Variants in DAB2IP observed in about 807,000 individuals in gnomAD.
DAB2IP encodes DAB2 interacting protein.
DAB2IP carries 28 observed loss-of-function variants against 107.2 expected under a neutral mutation model. The observed-to-expected ratio is 0.26, with a 90% CI of 0.19 to 0.36. DAB2IP has a LOEUF of 0.36. Among genes scored for constraint, DAB2IP ranks in the 10% least tolerant of loss-of-function variants. The pLI is 1.00. For missense variants in DAB2IP, 1,400 were observed against 1,644.7 expected (o/e 0.85, Z 2.57); for synonymous variants, 755 against 706.4 (o/e 1.07, Z -1.09).
intron 3 of DAB2IP, among the ~76,000 whole-genome samples, chr9:121,717,609 T>C (rs1830680171): frequency 6.6e-6 from 1 of 152,216 alleles, no homozygotes; most frequent in Non-Finnish European, 1.5e-5. Flanking sequence ...CTGCCCCTCC[T>C]GGCGTGTTTA....
intron 3 of DAB2IP, among the ~76,000 whole-genome samples, chr9:121,745,823 A>C (rs188292826): frequency 6.6e-6 from 1 of 152,322 alleles, no homozygotes; most frequent in Non-Finnish European, 1.5e-5. Context: ...TCTGAGCTCA[A>C]GCTGCCAACA....
intron 1 of DAB2IP, among the ~76,000 whole-genome samples, chr9:121,659,342 C>T (rs369294662): frequency 2.0e-5 from 3 of 152,150 alleles, no homozygotes; most frequent in Admixed American, 6.5e-5. Context: ...GGCCTAGGAG[C>T]GTGTACAGAG....
At chr9:121,650,309 G>T (rs1162834636), upstream of DAB2IP, among the ~76,000 whole-genome samples, 1 of 152,308 alleles carries the variant, frequency 6.6e-6, no homozygotes. Context: ...CAGGGAAGGC[G>T]CCTGGCTTCC....
chr9:121,576,557 T>C (rs1376219441), intron 1 of DAB2IP, among the ~76,000 whole-genome samples: 1 of 152,066 alleles, frequency 6.6e-6, no homozygotes, highest in African/African-American at 2.4e-5. Flanking sequence ...CCACTGCACT[T>C]TGATGAGTAA....
At chr9:121,600,834 T>G (rs1004650630) in intron 1 of DAB2IP, among the ~76,000 whole-genome samples, 1 of 152,108 alleles carries the variant, frequency 6.6e-6, no homozygotes, top group Admixed American at 6.5e-5. Context: ...AAGGGGGATA[T>G]AGGGAGGTTT....
In DAB2IP at chr9:121,633,261, G is replaced by A. The variant is rs967921650; in HGVS notation, c.41-45417G>A. Among the ~76,000 whole-genome samples, 3 of 152,094 alleles carry A rather than the reference G, an allele frequency of 2.0e-5. No homozygotes were observed. Among genetic ancestry groups the A allele is most frequent in the Admixed American group, 6.6e-5 (1 of 15,266 alleles). The stretch of plus-strand genomic sequence containing the variant: ...TCTAAATTGGGTCAGGGAAGCCTTC[G>A]AGGCCCAGAGAGAGGACATTCCCGC... On this transcript the variant is annotated intron_variant, in intron 1 of 16. Transcript: ENST00000259371. This position sits in a 1 kb window ranked among gnomAD's most constrained non-coding sequence, Gnocchi z 5.1.
At chr9:121,780,870 A>G (rs563290241) in intron 14 of DAB2IP, among the ~76,000 whole-genome samples, 83 of 152,292 alleles carry the variant, frequency 5.5e-4, no homozygotes, top group Non-Finnish European at 9.8e-4. Flanking sequence ...GATGTCTCCT[A>G]CTGATGTGCG....
chr9:121,603,896 A>G (rs1231745600), intron 1 of DAB2IP, among the ~76,000 whole-genome samples: 1 of 151,970 alleles, frequency 6.6e-6, no homozygotes, highest in Non-Finnish European at 1.5e-5. Flanking sequence ...GTTGGGCTGG[A>G]GGGCAGAGTG....
At chr9:121,604,547 G>A (rs1204340835) in intron 1 of DAB2IP, among the ~76,000 whole-genome samples, 1 of 152,156 alleles carries the variant, frequency 6.6e-6, no homozygotes, top group Non-Finnish European at 1.5e-5. Flanking sequence ...CAGGTTTTAT[G>A]TTGCCTGGAC....
Position 121,772,573 on chromosome 9 carries a change from C to G in DAB2IP, c.2079-34C>G. On this transcript the variant is annotated intron_variant, in intron 11 of 15. Coordinates refer to ENST00000408936, the Ensembl canonical transcript of DAB2IP. This position sits in a 1 kb window ranked among gnomAD's most constrained non-coding sequence, Gnocchi z 4.7. ...GCTGCACTCACAGTTCTTCTTTTCCCCTTCTTTCCCTGTGTGTGCTTGTCT... is the reference window on the plus strand; with the variant it reads ...GCTGCACTCACAGTTCTTCTTTTCCGCTTCTTTCCCTGTGTGTGCTTGTCT... The G allele has an allele frequency of 6.3e-7, 1 of 1,581,300 alleles. No homozygotes were observed. The highest frequency in any genetic ancestry group is 1.7e-4 in the Middle Eastern group (1 of 5,910).
chr9:121,596,816 G>T (rs1324728459), intron 1 of DAB2IP, among the ~76,000 whole-genome samples: 1 of 152,152 alleles, frequency 6.6e-6, no homozygotes, highest in African/African-American at 2.4e-5. Flanking sequence ...CTGCCAAATT[G>T]TTTCCCAGAG....
intron 1 of DAB2IP, among the ~76,000 whole-genome samples, chr9:121,653,054 A>G (rs1196503234): frequency 2.0e-5 from 3 of 152,094 alleles, no homozygotes; most frequent in African/African-American, 7.2e-5. Flanking sequence ...TTCAGTCCTC[A>G]AGGGTCTCTC....
chr9:121,741,638 G>T (rs182665140), intron 3 of DAB2IP, among the ~76,000 whole-genome samples: 293 of 152,046 alleles, frequency 1.9e-3, no homozygotes, highest in East Asian at 3.1e-3. Flanking sequence ...TGGCAGAGGG[G>T]TGATCCTGCC....
chr9:121,618,166 A>ATCTG (rs1171854866), intron 1 of DAB2IP, among the ~76,000 whole-genome samples: 2 of 152,242 alleles, frequency 1.3e-5, no homozygotes, highest in African/African-American at 4.8e-5. Context: ...CGATGGGATT[A>ATCTG]TCTGTCTGTC....
intron 1 of DAB2IP, among the ~76,000 whole-genome samples, chr9:121,581,248 G>C (rs931141084): frequency 2.6e-5 from 4 of 152,260 alleles, no homozygotes; most frequent in South Asian, 2.1e-4. Context: ...CAGAGCCAAG[G>C]GGGTAGTGGG....
intron 1 of DAB2IP, among the ~76,000 whole-genome samples, chr9:121,614,528 A>G (rs1831206494): frequency 6.7e-6 from 1 of 149,874 alleles, no homozygotes; most frequent in South Asian, 2.1e-4. Flanking sequence ...TTCAGTAGAG[A>G]CGGGGTTTCA....
rs1370916152 is a variant in DAB2IP at position 121,635,898 on chromosome 9, G to A, written c.41-42780G>A. On this transcript the variant is annotated intron_variant, in intron 1 of 16. Transcript: ENST00000259371. This position sits in a 1 kb window ranked among gnomAD's most constrained non-coding sequence, Gnocchi z 4.3. ...CCAAGGGACAGTCCCCTGTTTAGAT[G>A]TCTTTTTTGGGGGGGGGTCTGGGGG... 2.4e-5 allele frequency among the ~76,000 whole-genome samples: 3 copies of A among 125,636 alleles called. No individual in the cohort carries two copies. Among genetic ancestry groups the A allele is most frequent in the Non-Finnish European group, 4.9e-5 (3 of 61,302 alleles). 82.4% of individuals were successfully genotyped at this position (125,636 alleles called of 152,430 possible). A position where few individuals can be genotyped will look rare whatever the true frequency, so the allele number is the denominator to read the frequency against.
At chr9:121,692,108 C>A (rs1829193111) in intron 2 of DAB2IP, among the ~76,000 whole-genome samples, 1 of 152,204 alleles carries the variant, frequency 6.6e-6, no homozygotes, top group Admixed American at 6.5e-5. Context: ...GGGCCACTTG[C>A]CCTTCCTGTC....
At chr9:121,631,647 C>G (rs1831885896) in intron 1 of DAB2IP, among the ~76,000 whole-genome samples, 1 of 151,926 alleles carries the variant, frequency 6.6e-6, no homozygotes, top group Non-Finnish European at 1.5e-5. Context: ...GAAACCCCGT[C>G]TCTACTAAAA....
Sources: gnomAD v4.1 joint callset for allele counts (sites outside exome capture counted in the v4.1 genomes callset) on GRCh38, gnomAD v4.1.1 for gene constraint, Gnocchi (gnomAD v3.1) non-coding constraint, MANE v1.5 for transcripts, NCBI Gene and HGNC (gene_info 2026-07-23, HGNC 2026-07-21) for gene names.